Variants in ARL15 observed in about 807,000 individuals in gnomAD.
ARL15 encodes the protein ADP-ribosylation factor-like protein 15.
A neutral mutation model predicts 25.2 loss-of-function variants in ARL15; 19 were observed. The ratio of observed to expected loss-of-function variants is 0.75; its 90% CI spans 0.53 to 1.10. The LOEUF (loss-of-function observed/expected upper bound fraction) is 1.10, where lower values mean the gene tolerates loss of function less well. Ranked by LOEUF, ARL15 falls within the 50% of genes least tolerant of loss-of-function variation. The pLI, the probability that ARL15 is intolerant of heterozygous loss-of-function variation, is 0.00. For synonymous variants in ARL15, 94 were observed against 86.8 expected (o/e 1.08, Z -0.46); for missense variants, 220 against 246.0 (o/e 0.89, Z 0.71).
At chr5:54,261,177 T>C (rs1757489268) in intron 1 of ARL15, among the ~76,000 whole-genome samples, 1 of 152,172 alleles carries the variant, frequency 6.6e-6, no homozygotes, top group Non-Finnish European at 1.5e-5. Context: ...CAAGACAGCA[T>C]TGCCTGCCAC....
intron 4 of ARL15, among the ~76,000 whole-genome samples, chr5:53,940,689 G>C (rs1746514317): frequency 6.6e-6 from 1 of 152,130 alleles, no homozygotes; most frequent in African/African-American, 2.4e-5. Context: ...GGGAGAGAAG[G>C]AAACATGCAT....
intron 4 of ARL15, among the ~76,000 whole-genome samples, chr5:53,902,987 T>C (rs896391719): frequency 6.6e-6 from 1 of 152,168 alleles, no homozygotes; most frequent in Non-Finnish European, 1.5e-5. Context: ...GAAGGGAATT[T>C]CTTTCCCTGC....
chr5:54,124,954 G>T (rs549760316), intron 3 of ARL15, among the ~76,000 whole-genome samples: 3 of 152,068 alleles, frequency 2.0e-5, no homozygotes, highest in Admixed American at 6.6e-5. Flanking sequence ...CTGGCCTAGT[G>T]CCTTGCTTCT....
At chr5:53,907,914 T>C (rs1380333604) in intron 4 of ARL15, among the ~76,000 whole-genome samples, 1 of 152,186 alleles carries the variant, frequency 6.6e-6, no homozygotes, top group Non-Finnish European at 1.5e-5. Flanking sequence ...ATGTTTCAGA[T>C]ACGATTGCTA....
intron 1 of ARL15, among the ~76,000 whole-genome samples, chr5:54,230,022 C>A (rs1345790017): frequency 6.6e-6 from 1 of 152,164 alleles, no homozygotes; most frequent in Non-Finnish European, 1.5e-5. Context: ...TACAGGCATT[C>A]AAACTCCATT....
At chr5:54,050,443 C>G (rs946383892) in intron 4 of ARL15, among the ~76,000 whole-genome samples, 2 of 152,048 alleles carry the variant, frequency 1.3e-5, no homozygotes, top group African/African-American at 4.8e-5. Context: ...CTATTAGAAC[C>G]AATACAGAAA....
intron 4 of ARL15, among the ~76,000 whole-genome samples, chr5:53,966,404 C>T (rs931493799): frequency 2.6e-5 from 4 of 152,102 alleles, no homozygotes; most frequent in Admixed American, 6.6e-5. Flanking sequence ...CATAATAAAG[C>T]GGTAAATGTA....
chr5:54,217,032 AT>A (rs1756227717), intron 1 of ARL15, among the ~76,000 whole-genome samples: 1 of 152,150 alleles, frequency 6.6e-6, no homozygotes, highest in Non-Finnish European at 1.5e-5. Flanking sequence ...TCATTTTACA[AT>A]TCTAGATAGA....
chr5:54,171,418 G>A (rs1408113489), intron 2 of ARL15, among the ~76,000 whole-genome samples: 1 of 152,188 alleles, frequency 6.6e-6, no homozygotes, highest in Non-Finnish European at 1.5e-5. Context: ...TATTCAGGGA[G>A]TGTGTGGCCA....
chr5:54,242,053 A>G (rs1756972185), intron 1 of ARL15, among the ~76,000 whole-genome samples: 1 of 152,154 alleles, frequency 6.6e-6, no homozygotes, highest in South Asian at 2.1e-4. Flanking sequence ...TAAACACCCA[A>G]TTCACGGTGT....
chr5:53,961,868 GC>G (rs1747383882), intron 4 of ARL15, among the ~76,000 whole-genome samples: 1 of 152,098 alleles, frequency 6.6e-6, no homozygotes, highest in South Asian at 2.1e-4. Context: ...TCTATAGCTT[GC>G]CTTTTTTGAC....
chr5:54,060,145 A>C (rs1014344486), intron 4 of ARL15, among the ~76,000 whole-genome samples: 81 of 150,688 alleles, frequency 5.4e-4, no homozygotes, highest in African/African-American at 1.9e-3. Context: ...AAAAAAAAAA[A>C]AAAAAAACCC....
chr5:53,912,544 C>T (rs1745497259), intron 4 of ARL15, among the ~76,000 whole-genome samples: 1 of 152,116 alleles, frequency 6.6e-6, no homozygotes, highest in African/African-American at 2.4e-5. Context: ...GCAAGTAGAA[C>T]AAAGCATTTC....
At chr5:54,183,588 C>T (rs1299322389) in intron 1 of ARL15, among the ~76,000 whole-genome samples, 1 of 151,100 alleles carries the variant, frequency 6.6e-6, no homozygotes, top group African/African-American at 2.4e-5. Flanking sequence ...CAATGTTCAT[C>T]AAGGATATTG....
chr5:54,175,344 T>G (rs990830065), intron 1 of ARL15, among the ~76,000 whole-genome samples: 1 of 152,094 alleles, frequency 6.6e-6, no homozygotes, highest in Non-Finnish European at 1.5e-5. Flanking sequence ...TCTTTCTTTT[T>G]TTTTTTTCAG....
chr5:54,106,391 G>T (rs1752590595), intron 4 of ARL15, among the ~76,000 whole-genome samples: 1 of 152,078 alleles, frequency 6.6e-6, no homozygotes, highest in African/African-American at 2.4e-5. Context: ...AAGGATGTAT[G>T]GTAAGATTCG....
chr5:54,037,208 A>C (rs1750194109), intron 4 of ARL15, among the ~76,000 whole-genome samples: 1 of 152,086 alleles, frequency 6.6e-6, no homozygotes, highest in Non-Finnish European at 1.5e-5. Flanking sequence ...AACTATAAGC[A>C]AAGTTGTCTC....
chr5:53,979,428 A>G (rs530574605), intron 4 of ARL15, among the ~76,000 whole-genome samples: 1 of 152,174 alleles, frequency 6.6e-6, no homozygotes, highest in South Asian at 2.1e-4. Context: ...AGTCCCAGCT[A>G]CTTGGAGAGG....
At position 53,891,487 on chromosome 5, in the gene ARL15, C is replaced by T. The variant is rs9292032; in HGVS notation, c.463-4774G>A. Among the ~76,000 whole-genome samples, 1,462 of 152,312 alleles carry T rather than the reference C, an allele frequency of 9.6e-3. 25 individuals carry two copies. The highest frequency in any genetic ancestry group is 0.034 in the African/African-American group (1,419 of 41,566). On this transcript the variant is annotated intron_variant, in intron 4 of 4. Transcript: ENST00000504924. ...CATTGCTAGAAATGAAAACAACCTG[C>T]ACCCTCCCATGCCCAACACATTCCC... is the stretch of plus-strand genomic sequence containing the variant.
Sources: gnomAD v4.1 joint callset for allele counts (sites outside exome capture counted in the v4.1 genomes callset) on GRCh38, gnomAD v4.1.1 for gene constraint, MANE v1.5 for transcripts, NCBI Gene and HGNC (gene_info 2026-07-23, HGNC 2026-07-21) for gene names.